The following PRELID2 variants were observed in gnomAD, a reference collection of about 807,000 sequenced individuals.
PRELID2 encodes PRELI domain containing 2.
In PRELID2, 25 loss-of-function variants were observed where a neutral mutation model predicts 28.4. The ratio of observed to expected loss-of-function variants is 0.88; its 90% CI spans 0.64 to 1.23. The LOEUF is 1.23. PRELID2 is among the 50% of genes most tolerant of loss of function. The pLI is 0.00. For missense variants in PRELID2, 201 were observed against 214.4 expected (o/e 0.94, Z 0.39); for synonymous variants, 76 against 71.6 (o/e 1.06, Z -0.31).
Position 145,515,802 on chromosome 5 carries a change from C to G in PRELID2, n.71-42487G>C, listed in dbSNP as rs142054536. Reference sequence around the variant, plus strand: ...AGAAGCTTATCCACCACGATCAAGTCGCCTTCATCCCTGGGACGCAAGCCT... The same window carrying G: ...AGAAGCTTATCCACCACGATCAAGTGGCCTTCATCCCTGGGACGCAAGCCT... On this transcript the variant is annotated intron_variant and non_coding_transcript_variant, in intron 1 of 2. Transcript: ENST00000510259. 3.0e-3 allele frequency among the ~76,000 whole-genome samples: 464 copies of G among 152,186 alleles called. 1 individual carries two copies. Among genetic ancestry groups the G allele is most frequent in the African/African-American group, 0.011 (449 of 41,522 alleles).
At chr5:145,540,855 A>G (rs1349981484) in intron 1 of PRELID2, among the ~76,000 whole-genome samples, 1 of 151,996 alleles carries the variant, frequency 6.6e-6, no homozygotes, top group Non-Finnish European at 1.5e-5. Flanking sequence ...ATATGAATAT[A>G]TATCAGGTTT....
the PRELID2 span, among the ~76,000 whole-genome samples, chr5:145,267,846 AT>A: frequency 3.7e-3 from 560 of 152,276 alleles, 5 homozygotes; most frequent in Non-Finnish European, 5.0e-3. Flanking sequence ...GATAAAACTA[AT>A]TTTAACTAGG....
At chr5:145,377,679 A>T in the PRELID2 span, among the ~76,000 whole-genome samples, 2 of 152,024 alleles carry the variant, frequency 1.3e-5, no homozygotes, top group Non-Finnish European at 1.5e-5. Context: ...AGAAACTAGG[A>T]TTGCAACCCC....
At chr5:145,379,172 T>C in the PRELID2 span, among the ~76,000 whole-genome samples, 1 of 152,186 alleles carries the variant, frequency 6.6e-6, no homozygotes, top group Non-Finnish European at 1.5e-5. Flanking sequence ...CTCTGGTTTC[T>C]TAATGATAGG....
At chr5:145,480,646 TA>T (rs1208638712) in intron 1 of PRELID2, among the ~76,000 whole-genome samples, 8 of 152,110 alleles carry the variant, frequency 5.3e-5, no homozygotes, top group African/African-American at 1.9e-4. Flanking sequence ...TACAGATGAA[TA>T]AAAAGGACTG....
chr5:145,414,558 T>C, the PRELID2 span, among the ~76,000 whole-genome samples: 1 of 152,230 alleles, frequency 6.6e-6, no homozygotes, highest in South Asian at 2.1e-4. Context: ...AATTGTCTTC[T>C]TATTTCCAAT....
At chr5:145,259,421 C>T in the PRELID2 span, among the ~76,000 whole-genome samples, 1 of 152,162 alleles carries the variant, frequency 6.6e-6, no homozygotes, top group Non-Finnish European at 1.5e-5. Context: ...CTGAACCCTA[C>T]AAAGCCATAG....
intron 1 of PRELID2, among the ~76,000 whole-genome samples, chr5:145,627,861 C>T (rs1224939929): frequency 6.6e-6 from 1 of 152,106 alleles, no homozygotes; most frequent in Non-Finnish European, 1.5e-5. Flanking sequence ...TTTCCATTTC[C>T]TTATATGTGC....
At chr5:145,328,251 G>T in the PRELID2 span, among the ~76,000 whole-genome samples, 281 of 152,232 alleles carry the variant, frequency 1.8e-3, 3 homozygotes, top group African/African-American at 6.5e-3. Flanking sequence ...ACATACATGT[G>T]CATGTGTCTT....
chr5:145,641,489 G>C (rs1230998895), intron 1 of PRELID2, among the ~76,000 whole-genome samples: 1 of 152,174 alleles, frequency 6.6e-6, no homozygotes, highest in Non-Finnish European at 1.5e-5. Flanking sequence ...CCAGTGTTAG[G>C]ATACAGAGAA....
chr5:145,743,940 A>T (rs955312812), intron 1 of PRELID2, among the ~76,000 whole-genome samples: 1 of 152,142 alleles, frequency 6.6e-6, no homozygotes, highest in Admixed American at 6.5e-5. Flanking sequence ...TGGGCCGGGG[A>T]AGGGCAGCGC....
the PRELID2 span, among the ~76,000 whole-genome samples, chr5:145,278,385 T>G: frequency 6.6e-6 from 1 of 152,174 alleles, no homozygotes; most frequent in East Asian, 1.9e-4. Context: ...ACTAAAGTCT[T>G]ATCGTGACCA....
the PRELID2 span, among the ~76,000 whole-genome samples, chr5:145,438,983 T>C: frequency 2.6e-5 from 4 of 152,296 alleles, no homozygotes; most frequent in African/African-American, 9.6e-5. Flanking sequence ...TGCTGTCAGC[T>C]TCTTGAGAGC....
the PRELID2 span, among the ~76,000 whole-genome samples, chr5:145,417,992 C>A: frequency 6.6e-6 from 1 of 152,138 alleles, no homozygotes; most frequent in East Asian, 1.9e-4. Flanking sequence ...ATTTAGAAAA[C>A]TCCATCATCT....
the PRELID2 span, among the ~76,000 whole-genome samples, chr5:145,389,178 G>T: frequency 2.0e-5 from 3 of 152,070 alleles, no homozygotes; most frequent in Admixed American, 2.0e-4. Context: ...TACATATTCT[G>T]TCTGCCTCCC....
chr5:145,701,907 C>T (rs547958353), intron 1 of PRELID2, among the ~76,000 whole-genome samples: 6 of 152,054 alleles, frequency 3.9e-5, no homozygotes, highest in East Asian at 1.9e-4. Flanking sequence ...CAAAATTAGC[C>T]GGGCGTGGTG....
At chr5:145,824,463 T>TGTGTGTGTGTGTGTGTGA (rs373555427) in intron 1 of PRELID2, among the ~76,000 whole-genome samples, 3,574 of 143,596 alleles carry the variant, frequency 0.025, 147 homozygotes, top group Non-Finnish European at 0.035. Context: ...TGTGTGTGTG[T>TGTGTGTGTGTGTGTGTGA]GATATTGATT....
chr5:145,502,787 C>A (rs1752370995), intron 1 of PRELID2, among the ~76,000 whole-genome samples: 1 of 151,842 alleles, frequency 6.6e-6, no homozygotes, highest in Admixed American at 6.6e-5. Context: ...GGCTATGCTG[C>A]CCAATAGTTA....
At chr5:145,656,791 T>A (rs1653145784) in intron 1 of PRELID2, among the ~76,000 whole-genome samples, 1 of 149,468 alleles carries the variant, frequency 6.7e-6, no homozygotes, top group South Asian at 2.2e-4. Context: ...TTAGGAGATA[T>A]ACCTAATGTA....
Sources: allele counts gnomAD v4.1 joint callset (sites outside exome capture counted in the v4.1 genomes callset), GRCh38; gene constraint gnomAD v4.1.1; transcripts MANE v1.5; gene names NCBI Gene and HGNC (gene_info 2026-07-23, HGNC 2026-07-21).